Variants in WWOX observed in about 807,000 individuals in gnomAD.
The protein encoded by WWOX is WW domain containing oxidoreductase, also known as WW domain-containing oxidoreductase.
WWOX carries 69 observed loss-of-function variants against 46.2 expected under a neutral mutation model. The ratio of observed to expected loss-of-function variants is 1.49; its 90% confidence interval spans 1.23 to 1.82. WWOX has a LOEUF of 1.82. WWOX is among the 40% of genes most tolerant of loss of function. The pLI is 0.00. For missense variants in WWOX, 919 were observed against 542.6 expected, an observed-to-expected ratio of 1.69 and a Z score of -6.89; for synonymous variants, 359 against 202.6, an observed-to-expected ratio of 1.77 and a Z score of -6.56.
At position 78,213,871 on chromosome 16, in the gene WWOX, G is replaced by C. The variant is rs74891211; in HGVS notation, c.516+49582G>C. Among the ~76,000 whole-genome samples, 927 of 152,278 alleles carry C rather than the reference G, an allele frequency of 6.1e-3. 4 individuals carry two copies. Among genetic ancestry groups the C allele is most frequent in the Admixed American group, 0.011 (165 of 15,298 alleles). ...AGTGACAAGCCCTGGAGACCTGAGGGCTTCTGGGGCCCCCAGGGCGGTTTC... is the reference window on the plus strand; with the variant it reads ...AGTGACAAGCCCTGGAGACCTGAGGCCTTCTGGGGCCCCCAGGGCGGTTTC... On this transcript the variant is annotated intron_variant, in intron 5 of 8. Coordinates refer to ENST00000566780, the MANE Select transcript of WWOX (RefSeq NM_016373.4).
rs1419598028 is a variant in WWOX at position 78,365,794 on chromosome 16, T to TC, written c.517-21060dup. ...CTTCTGCGTGCCCCTCCTCTATGGCTCCCCCCACCAAATTTCTGTGTCTTC... is the reference window on the plus strand; with the variant it reads ...CTTCTGCGTGCCCCTCCTCTATGGCTCCCCCCCACCAAATTTCTGTGTCTTC... On this transcript the variant is annotated intron_variant, in intron 5 of 8. Coordinates refer to ENST00000566780, the MANE Select transcript of WWOX (RefSeq NM_016373.4). Among the ~76,000 whole-genome samples the TC allele has an allele frequency of 5.3e-5, 8 of 152,144 alleles. No homozygotes were observed. In the East Asian group the frequency reaches 7.7e-4, roughly 15 times the overall value.
At position 79,022,457 on chromosome 16, in the gene WWOX, G is replaced by T. The variant is rs573559519; in HGVS notation, c.1057-189151G>T. On this transcript the variant is annotated intron_variant, in intron 8 of 8. Transcript: ENST00000566780. ...AATAAAGCTGTCTACTTTACATTTT[G>T]TCTCTGTGCCCTTTTACAGCCTTTT... Among the ~76,000 whole-genome samples, 3 of 146,988 alleles carry T rather than the reference G, an allele frequency of 2.0e-5. No homozygotes were observed. In the South Asian group the frequency reaches 6.6e-4, roughly 32 times the overall value.
At chr16:78,948,543 G>A (rs7184656) in intron 8 of WWOX, among the ~76,000 whole-genome samples, 94,279 of 151,880 alleles carry the variant, frequency 0.62, 30,796 homozygotes, top group Non-Finnish European at 0.74. Flanking sequence ...TGATTGGTAG[G>A]TGCCCATGAC....
chr16:78,764,596 G>A (rs890035614), intron 8 of WWOX, among the ~76,000 whole-genome samples: 3 of 141,088 alleles, frequency 2.1e-5, no homozygotes, highest in Non-Finnish European at 3.0e-5. Context: ...CCGTGCCCCG[G>A]GTGGGTTTGG....
intron 6 of WWOX, among the ~76,000 whole-genome samples, chr16:78,414,138 C>T (rs933728337): frequency 4.0e-5 from 6 of 151,838 alleles, no homozygotes; most frequent in East Asian, 2.0e-4. Flanking sequence ...TTGTGACCCC[C>T]GCCCCTGCCT....
intron 8 of WWOX, among the ~76,000 whole-genome samples, chr16:78,883,438 C>G (rs2044385493): frequency 6.6e-6 from 1 of 152,050 alleles, no homozygotes; most frequent in African/African-American, 2.4e-5. Context: ...ATAAGCATAC[C>G]ATGGGCTGGG....
At chr16:78,832,099 T>C (rs2051842911) in intron 8 of WWOX, among the ~76,000 whole-genome samples, 2 of 152,170 alleles carry the variant, frequency 1.3e-5, no homozygotes, top group African/African-American at 4.8e-5. Context: ...GGGAGTGGCT[T>C]AGCTGGGTGA....
At chr16:78,255,612 T>C (rs575058357) in intron 5 of WWOX, among the ~76,000 whole-genome samples, 1 of 152,266 alleles carries the variant, frequency 6.6e-6, no homozygotes, top group East Asian at 1.9e-4. Flanking sequence ...AAGAAGGGCA[T>C]CTTCTTCCTT....
intron 8 of WWOX, among the ~76,000 whole-genome samples, chr16:78,621,358 C>A (rs992911511): frequency 6.6e-6 from 1 of 152,022 alleles, no homozygotes; most frequent in African/African-American, 2.4e-5. Context: ...TCCTAGTGGG[C>A]AGTTTGCTGC....
At chr16:78,288,413 A>G (rs1284356167) in intron 5 of WWOX, among the ~76,000 whole-genome samples, 1 of 152,104 alleles carries the variant, frequency 6.6e-6, no homozygotes, top group African/African-American at 2.4e-5. Context: ...AATTTGATCT[A>G]GGTTGGCCTG....
At chr16:78,381,170 A>T (rs975085142) in intron 5 of WWOX, among the ~76,000 whole-genome samples, 1 of 152,076 alleles carries the variant, frequency 6.6e-6, no homozygotes, top group Non-Finnish European at 1.5e-5. Context: ...CACACTCCCC[A>T]TATGGTTTCT....
chr16:78,851,632 A>T (rs12149540), intron 8 of WWOX, among the ~76,000 whole-genome samples: 1 of 152,182 alleles, frequency 6.6e-6, no homozygotes, highest in Admixed American at 6.5e-5. Flanking sequence ...GGACAGTGTC[A>T]GACACATAGA....
intron 8 of WWOX, among the ~76,000 whole-genome samples, chr16:78,978,984 T>C (rs576647098): frequency 2.0e-4 from 30 of 152,174 alleles, no homozygotes; most frequent in African/African-American, 6.5e-4. Flanking sequence ...TTGAAGCAGG[T>C]GCAATCATTT....
intron 5 of WWOX, among the ~76,000 whole-genome samples, chr16:78,344,528 C>T (rs1009359945): frequency 1.7e-5 from 2 of 120,888 alleles, no homozygotes; most frequent in African/African-American, 5.6e-5. Context: ...ATGCCATTCA[C>T]CTTTACCATG....
intron 8 of WWOX, among the ~76,000 whole-genome samples, chr16:78,532,629 AC>A (rs1215562188): frequency 3.9e-5 from 6 of 152,178 alleles, no homozygotes. Flanking sequence ...GGTTTATTGG[AC>A]TTACAGTTCC....
At chr16:78,405,729 G>C (rs1310433865) in intron 6 of WWOX, among the ~76,000 whole-genome samples, 2 of 152,162 alleles carry the variant, frequency 1.3e-5, no homozygotes. Flanking sequence ...TGTCAAGGCT[G>C]ATGCTGGGCT....
Position 78,895,978 on chromosome 16 carries a change from C to T in WWOX, c.1057-315630C>T, listed in dbSNP as rs557456703. The T allele has an allele frequency of 3.3e-5, 5 of 152,260 alleles. No individual in the cohort carries two copies. The South Asian group carries it at 1.0e-3, about 32-fold the overall frequency. 9.4% of individuals were successfully genotyped at this position (152,260 alleles called of 1,614,324 possible). On this transcript the variant is annotated intron_variant, in intron 8 of 8. Coordinates refer to ENST00000566780, the MANE Select transcript of WWOX (RefSeq NM_016373.4). Reference sequence around the variant, plus strand: ...CTTAACATCCCAGGAAACAGATACTCAATTCCACTGTCTTTTTTGAGAAAT... The same window carrying T: ...CTTAACATCCCAGGAAACAGATACTTAATTCCACTGTCTTTTTTGAGAAAT...
intron 8 of WWOX, among the ~76,000 whole-genome samples, chr16:78,971,153 C>T (rs979896690): frequency 2.6e-5 from 4 of 151,976 alleles, no homozygotes; most frequent in African/African-American, 4.8e-5. Context: ...TGAGCAATCG[C>T]TGTGGTCAAG....
chr16:78,571,152 C>T (rs1260784748), intron 8 of WWOX, among the ~76,000 whole-genome samples: 5 of 152,068 alleles, frequency 3.3e-5, no homozygotes, highest in African/African-American at 1.2e-4. Flanking sequence ...TCTGAAAATC[C>T]ACTGAGGAAG....
Sources: allele counts gnomAD v4.1 joint callset (sites outside exome capture counted in the v4.1 genomes callset), GRCh38; gene constraint gnomAD v4.1.1; transcripts MANE v1.5; gene names NCBI Gene and HGNC (gene_info 2026-07-23, HGNC 2026-07-21).